The following ASAH2 variants were observed in gnomAD, a reference collection of about 807,000 sequenced individuals.
The protein encoded by ASAH2 is neutral ceramidase.
Under a neutral mutation model 82.9 loss-of-function variants are expected in ASAH2, and 58 were observed. The observed-to-expected ratio is 0.70, with a 90% CI of 0.57 to 0.87. ASAH2 has a LOEUF of 0.87. Among genes scored for constraint, ASAH2 ranks in the 40% least tolerant of loss-of-function variants. ASAH2 has a pLI of 0.00. For missense variants in ASAH2, 779 were observed against 834.0 expected, an observed-to-expected ratio of 0.93 and a Z score of 0.81; for synonymous variants, 276 against 289.7, an observed-to-expected ratio of 0.95 and a Z score of 0.48.
At chr10:50,207,487 AT>A (rs1274546088) in intron 12 of ASAH2, among the ~76,000 whole-genome samples, 5 of 151,670 alleles carry the variant, frequency 3.3e-5, no homozygotes, top group Non-Finnish European at 5.9e-5. Context: ...AAATTAGAAT[AT>A]TAATACTGAC....
Position 50,242,595 on chromosome 10 carries a change from G to A in ASAH2, c.510+607C>T, listed in dbSNP as rs148885836. Among the ~76,000 whole-genome samples the A allele has an allele frequency of 3.1e-3, 468 of 151,352 alleles. 3 individuals are homozygous for A. Among genetic ancestry groups the A allele is most frequent in the African/African-American group, 0.011 (454 of 41,500 alleles). ...AGAAAGTTAGAACTGGAAGTTTATC[G>A]TTCACTGGCTTGGTTGGTTGCTTGC... On this transcript the variant is annotated intron_variant, in intron 4 of 20. Transcript: ENST00000682911.
At chr10:50,224,893 C>A (rs947423481) in intron 7 of ASAH2, among the ~76,000 whole-genome samples, 1 of 152,090 alleles carries the variant, frequency 6.6e-6, no homozygotes, top group Non-Finnish European at 1.5e-5. Flanking sequence ...AAATTTTAAA[C>A]CAGCAGAAGA....
At chr10:50,210,783 C>A in intron 12 of ASAH2, 40 bp downstream of exon 12, 1 of 1,468,654 alleles carries the variant, frequency 6.8e-7, no homozygotes, top group Non-Finnish European at 9.6e-7. Context: ...CCAGAAGCTT[C>A]AGAAGCTGAA....
chr10:50,247,017 T>C (rs1004407138), intron 2 of ASAH2, among the ~76,000 whole-genome samples: 11 of 152,226 alleles, frequency 7.2e-5, no homozygotes, highest in Non-Finnish European at 1.6e-4. Flanking sequence ...TCTAGAATCC[T>C]CACTATAGTG....
At chr10:50,240,851 A>G (rs1024976533) in intron 4 of ASAH2, among the ~76,000 whole-genome samples, 20 of 152,364 alleles carry the variant, frequency 1.3e-4, no homozygotes, top group African/African-American at 4.3e-4. Context: ...TTAAAAGACC[A>G]TATGTCCACA....
At chr10:50,218,753 C>T (rs1036419344) in intron 7 of ASAH2, 123 bp from the exon 8 acceptor site, 295 of 1,074,152 alleles carry the variant, frequency 2.7e-4, no homozygotes, top group Non-Finnish European at 4.0e-4. Flanking sequence ...AGACATTCTA[C>T]ATCTACATTC....
chr10:50,224,060 A>C (rs1845816150), intron 7 of ASAH2, among the ~76,000 whole-genome samples: 1 of 152,186 alleles, frequency 6.6e-6, no homozygotes, highest in Non-Finnish European at 1.5e-5. Flanking sequence ...TGGCTTCCCT[A>C]GGAAACTAAT....
intron 17 of ASAH2, among the ~76,000 whole-genome samples, chr10:50,197,837 G>T (rs1845025307): frequency 6.6e-6 from 1 of 151,720 alleles, no homozygotes; most frequent in East Asian, 1.9e-4. Context: ...CATAGTGACA[G>T]TTAAACAGTA....
intron 7 of ASAH2, among the ~76,000 whole-genome samples, chr10:50,223,601 T>C (rs1162073082): frequency 6.6e-6 from 1 of 152,066 alleles, no homozygotes; most frequent in Admixed American, 6.6e-5. Flanking sequence ...CTTTAGGAAA[T>C]AAAATATAGG....
At position 50,244,400 on chromosome 10, in the gene ASAH2, C is replaced by A. The variant is rs1846389306; in HGVS notation, c.360+822G>T. On this transcript the variant is annotated intron_variant, in intron 3 of 20. Transcript: ENST00000682911. ...CCAGGTCTTTAGAATGCCCCCTCTA[C>A]TGTTTGCATTACCCCTCCTGGGAGT... Among the ~76,000 whole-genome samples the A allele has an allele frequency of 2.0e-5, 3 of 152,334 alleles. No individual in the cohort carries two copies. The South Asian group carries it at 6.2e-4, about 32-fold the overall frequency.
chr10:50,203,619 G>GTTAT, intron 15 of ASAH2, 21 bp downstream of exon 15: 2 of 1,606,044 alleles, frequency 1.2e-6, no homozygotes, highest in African/African-American at 2.7e-5. Flanking sequence ...ATGTAGATAT[G>GTTAT]TTATTTTATT....
In ASAH2 at chr10:50,245,386, G is replaced by A. The variant is rs141713369; in HGVS notation, c.196C>T (p.Arg66Cys). The A allele has an allele frequency of 2.2e-5, 36 of 1,613,640 alleles. No homozygotes were observed. Among genetic ancestry groups the A allele is most frequent in the African/African-American group, 1.9e-4 (14 of 74,812 alleles). ...PATQGSTAAQRSTATQHSTAT... is the reference protein window; with the variant it reads ...PATQGSTAAQCSTATQHSTAT... ...GTGGAATGCTGGGTGGCTGTGGAGCGTTGGGCAGCTGTGGAGCCCTGGGTG... is the reference window on the plus strand; with the variant it reads ...GTGGAATGCTGGGTGGCTGTGGAGCATTGGGCAGCTGTGGAGCCCTGGGTG... Residue 66 changes from arginine (R) to cysteine (C), a missense_variant, in exon 3 of 21, where the codon CGC becomes TGC. By Grantham distance (180) the Arg-to-Cys change is radical. This residue lies in a region of ASAH2 where 759 missense variants were observed against 755.2 expected (regional missense o/e 1.00). Transcript: ENST00000682911.
At chr10:50,208,060 C>G in intron 12 of ASAH2, among the ~76,000 whole-genome samples, 1 of 151,856 alleles carries the variant, frequency 6.6e-6, no homozygotes, top group East Asian at 1.9e-4. Flanking sequence ...TTTTTAATTA[C>G]ATGATAATCT....
intron 2 of ASAH2, among the ~76,000 whole-genome samples, chr10:50,247,697 C>G (rs148831948): frequency 0.017 from 2,650 of 152,200 alleles, 38 homozygotes; most frequent in Middle Eastern, 0.034. Flanking sequence ...TTGGTCAGAG[C>G]TTCAATCTTT....
At chr10:50,218,463 G>C (rs1845665905) in intron 8 of ASAH2, 47 bp downstream of exon 8, 2 of 1,612,230 alleles carry the variant, frequency 1.2e-6, no homozygotes, top group Non-Finnish European at 1.7e-6. Context: ...CATGAATGAT[G>C]ACACTCAGTG....
Position 50,235,909 on chromosome 10 carries a change from G to C in ASAH2, c.666C>G (p.His222Gln), listed in dbSNP as rs906478196. ...SEGFSNQTFQ[H>Q]MVTGILKSID... is the part of the protein sequence containing the mutation. ...CTACCTTCAAGATACCAGTGACCAT[G>C]TGCTGAAAAGTTTGATTGCTAAATC... The change falls in exon 5 of 21, where the codon CAC (histidine) becomes CAG (glutamine). Residue 222 changes from histidine to glutamine, a missense_variant. His to Gln is a conservative substitution (Grantham distance 24). Around this residue, in one of 3 missense-constraint regions of ASAH2, gnomAD observed 759 missense variants for 755.2 expected, o/e 1.00. Coordinates refer to ENST00000682911, the MANE Select transcript of ASAH2 (RefSeq NM_019893.4). The C allele has an allele frequency of 2.1e-5, 34 of 1,613,278 alleles. No individual in the cohort carries two copies. The African/African-American group carries it at 3.5e-4, about 16-fold the overall frequency.
chr10:50,218,534 C>T lies in ASAH2; in HGVS notation c.990G>A (p.Lys330=). The T allele has an allele frequency of 6.2e-7, 1 of 1,613,640 alleles. No homozygotes were observed. ...GYASYLLEQE[K]NKGYLPGQGP... ...CCTGTCCAGGTAGATATCCTTTGTT[C>T]TTCTCTTGCTCAAGCAGGTAAGATG... The change falls in exon 8 of 21, where the codon AAG becomes AAA. Residue 330 remains lysine (K), a synonymous_variant. Transcript: ENST00000682911.
At position 50,245,391 on chromosome 10, in the gene ASAH2, G is replaced by T; in HGVS notation, c.191C>A (p.Ala64Asp). 1 of 1,613,928 alleles carries T rather than the reference G, an allele frequency of 6.2e-7. No homozygotes were observed. The highest frequency in any genetic ancestry group is 2.2e-5 in the East Asian group (1 of 44,852). ...SPPATQGSTA[A>D]QRSTATQHST... ...ATGCTGGGTGGCTGTGGAGCGTTGG[G>T]CAGCTGTGGAGCCCTGGGTGGCTGG... Residue 64 changes from alanine to aspartate, a missense_variant, in exon 3 of 21, where the codon GCC becomes GAC. Coordinates refer to ENST00000682911, the MANE Select transcript of ASAH2 (RefSeq NM_019893.4).
At chr10:50,221,675 G>GT (rs1845751259) in intron 7 of ASAH2, among the ~76,000 whole-genome samples, 2 of 122,446 alleles carry the variant, frequency 1.6e-5, no homozygotes, top group Non-Finnish European at 3.4e-5. Flanking sequence ...ATAGATAGAT[G>GT]ATAGATAGAT....
Sources: gnomAD v4.1 joint callset for allele counts (sites outside exome capture counted in the v4.1 genomes callset) on GRCh38, gnomAD v4.1.1 for gene constraint, gnomAD v4.1.1 regional missense constraint, MANE v1.5 for transcripts, NCBI Gene and HGNC (gene_info 2026-07-23, HGNC 2026-07-21) for gene names.